OTOGL: variants seen among roughly 807,000 people sequenced by gnomAD.
OTOGL encodes otogelin-like protein.
A neutral mutation model predicts 318.5 loss-of-function variants in OTOGL; 285 were observed. The ratio of observed to expected loss-of-function variants is 0.89; its 90% CI spans 0.81 to 0.99. The LOEUF (loss-of-function observed/expected upper bound fraction) is 0.99. Among genes scored for constraint, OTOGL ranks in the 50% least tolerant of loss-of-function variants. The pLI is 0.00. For missense variants in OTOGL, 2,899 were observed against 2,845.6 expected (o/e 1.02, Z -0.43); for synonymous variants, 987 against 936.5 (o/e 1.05, Z -0.99).
intron 47 of OTOGL, 125 bp downstream of exon 47, chr12:80,356,073 A>G: frequency 9.0e-7 from 1 of 1,115,682 alleles, no homozygotes; most frequent in South Asian, 1.5e-5. Context: ...ATTTTCTCAA[A>G]GCAAGTTTTG....
intron 1 of OTOGL, among the ~76,000 whole-genome samples, chr12:80,127,048 G>A (rs541417379): frequency 5.9e-5 from 9 of 152,152 alleles, no homozygotes; most frequent in Non-Finnish European, 1.3e-4. Context: ...TACATTTAAG[G>A]TTGATATTGT....
rs1406031358 is a variant in OTOGL, at chr12:80,380,610, A to C, written c.*2562A>C. The C allele has an allele frequency of 6.6e-6, 1 of 152,130 alleles. No individual in the cohort carries two copies. Among genetic ancestry groups the C allele is most frequent in the Non-Finnish European group, 1.5e-5 (1 of 67,960 alleles). 9.4% of individuals were successfully genotyped at this position (152,130 alleles called of 1,614,324 possible). A position where few individuals can be genotyped will look rare whatever the true frequency, so the allele number is the denominator to read the frequency against. ...CCTACCAGACTGGTAAAAAACCAGAAGTTTAATGATACTTTTATTTTTTAA... is the reference window on the plus strand; with the variant it reads ...CCTACCAGACTGGTAAAAAACCAGACGTTTAATGATACTTTTATTTTTTAA... On this transcript the variant is annotated 3_prime_UTR_variant, in exon 59 of 59. Transcript: ENST00000547103.
intron 44 of OTOGL, 122 bp from the exon 45 acceptor site, chr12:80,352,173 A>T (rs1005299952): frequency 1.1e-6 from 1 of 871,668 alleles, no homozygotes; most frequent in African/African-American, 1.7e-5. Context: ...TGTAAAGTCT[A>T]TGATGAAGTA....
chr12:80,108,850 ATATATATGTG>A (rs1470403161), intron 1 of OTOGL, among the ~76,000 whole-genome samples: 26 of 140,742 alleles, frequency 1.8e-4, no homozygotes, highest in African/African-American at 2.3e-4. Flanking sequence ...ATATATGTGT[ATATATATGTG>A]TATATATATG....
At chr12:80,169,105 A>G (rs1245014) in intron 1 of OTOGL, among the ~76,000 whole-genome samples, 38,202 of 152,034 alleles carry the variant, frequency 0.25, 5,369 homozygotes, top group East Asian at 0.38. Flanking sequence ...CTAACAGTGT[A>G]CAGTGTAATA....
At position 80,370,553 on chromosome 12, in the gene OTOGL, T is replaced by C; in HGVS notation, c.6616-17T>C. 6.7e-7 allele frequency: 1 copy of C among 1,493,284 alleles called. No homozygotes were observed. Among genetic ancestry groups the C allele is most frequent in the Non-Finnish European group, 8.9e-7 (1 of 1,120,018 alleles). The allele number at this position is 1,493,284 out of a possible 1,614,324, so 92.5% of individuals were successfully genotyped here. On this transcript the variant is annotated splice_polypyrimidine_tract_variant and intron_variant, in intron 55 of 58. Coordinates refer to ENST00000547103, the MANE Select transcript of OTOGL (RefSeq NM_001378609.3). ...GATTTTAATATGCTAAATAGTAACT[T>C]TCTTTTTGATTTTTAGGTAGGGAGT...
At chr12:80,209,704 C>G (rs904672350) in intron 2 of OTOGL, among the ~76,000 whole-genome samples, 194 bp downstream of exon 2, 1 of 151,992 alleles carries the variant, frequency 6.6e-6, no homozygotes, top group African/African-American at 2.4e-5. Flanking sequence ...TTTTTTGACT[C>G]TTTGCAAAAT....
At position 80,327,958 on chromosome 12, in the gene OTOGL, C is replaced by CAAAAAAAAAAAAA. The variant is rs397687373; in HGVS notation, c.4200-692_4200-680dup. 6.5e-4 allele frequency among the ~76,000 whole-genome samples: 20 copies of CAAAAAAAAAAAAA among 30,946 alleles called. 1 individual carries two copies. The highest frequency in any genetic ancestry group is 3.5e-3 in the African/African-American group (19 of 5,368). 20.3% of individuals were successfully genotyped at this position (30,946 alleles called of 152,430 possible). On this transcript the variant is annotated intron_variant, in intron 35 of 58. Coordinates refer to ENST00000547103, the MANE Select transcript of OTOGL (RefSeq NM_001378609.3). ...TGGGTGACAGAGCGAGACTCTGTCTCAAAAAAAAAAAAAAAAAAAAAAAAA... is the reference window on the plus strand; with the variant it reads ...TGGGTGACAGAGCGAGACTCTGTCTCAAAAAAAAAAAAAAAAAAAAAAAAAAAAAAAAAAAAAA...
intron 9 of OTOGL, among the ~76,000 whole-genome samples, chr12:80,234,656 C>T (rs141253667): frequency 6.6e-6 from 1 of 152,202 alleles, no homozygotes; most frequent in African/African-American, 2.4e-5. Flanking sequence ...TAGTCATCTC[C>T]AAGTATTTCT....
intron 53 of OTOGL, among the ~76,000 whole-genome samples, chr12:80,367,038 C>T (rs2138075645): frequency 6.6e-6 from 1 of 151,732 alleles, no homozygotes; most frequent in East Asian, 1.9e-4. Flanking sequence ...ATATAGTGGC[C>T]CCATCCTAGC....
At chr12:80,190,027 C>T (rs1163131015) in intron 1 of OTOGL, among the ~76,000 whole-genome samples, 1 of 152,166 alleles carries the variant, frequency 6.6e-6, no homozygotes, top group African/African-American at 2.4e-5. Context: ...GCATCTCCGG[C>T]CCCATTTTTG....
intron 28 of OTOGL, among the ~76,000 whole-genome samples, 189 bp downstream of exon 28, chr12:80,302,972 A>G (rs1885865694): frequency 6.6e-6 from 1 of 152,198 alleles, no homozygotes; most frequent in African/African-American, 2.4e-5. Flanking sequence ...GTTCTTTTTG[A>G]CTTTAACCTT....
In OTOGL at chr12:80,337,690, G is replaced by C. The variant is rs115939471; in HGVS notation, c.4860+686G>C. Among the ~76,000 whole-genome samples, 915 of 151,742 alleles carry C rather than the reference G, an allele frequency of 6.0e-3. 10 individuals carry two copies. The highest frequency in any genetic ancestry group is 0.021 in the African/African-American group (863 of 41,458). ...TCTCTGTAAAATATGAAAAAAAAAT[G>C]TGTAAAGATTTTTTCTTAAAATGGC... On this transcript the variant is annotated intron_variant, in intron 42 of 58. Transcript: ENST00000547103.
At position 80,313,464 on chromosome 12, in the gene OTOGL, C is replaced by T. The variant is rs757262471; in HGVS notation, c.3451-12C>T. 6.9e-6 allele frequency: 11 copies of T among 1,595,246 alleles called. No homozygotes were observed. In the South Asian group the frequency reaches 1.1e-4, roughly 16 times the overall value. ...CTATTGAAATTAAGTAATCTTTCACCTCATTTTTCAGATTGACGTTACTTC... is the reference window on the plus strand; with the variant it reads ...CTATTGAAATTAAGTAATCTTTCACTTCATTTTTCAGATTGACGTTACTTC... On this transcript the variant is annotated splice_polypyrimidine_tract_variant and intron_variant, in intron 30 of 58. Coordinates refer to ENST00000547103, the MANE Select transcript of OTOGL (RefSeq NM_001378609.3).
chr12:80,257,526 G>A (rs1882162808), intron 17 of OTOGL, among the ~76,000 whole-genome samples: 2 of 152,120 alleles, frequency 1.3e-5, no homozygotes, highest in Non-Finnish European at 2.9e-5. Flanking sequence ...GATTTCAAAT[G>A]TCTAAGGACT....
chr12:80,197,176 T>C (rs1490243251), intron 1 of OTOGL, among the ~76,000 whole-genome samples: 33 of 152,194 alleles, frequency 2.2e-4, no homozygotes. Flanking sequence ...CCATTTCAAG[T>C]TGTCCCACCT....
chr12:80,327,356 A>G (rs1887740428), intron 35 of OTOGL, among the ~76,000 whole-genome samples: 1 of 152,132 alleles, frequency 6.6e-6, no homozygotes, highest in Admixed American at 6.5e-5. Context: ...CAGACATCCT[A>G]GGGCTTGAAA....
chr12:80,271,701 GA>G lies in OTOGL; in HGVS notation c.2574del (p.Glu858AspfsTer16). 6.2e-7 allele frequency: 1 copy of G among 1,613,114 alleles called. No individual in the cohort carries two copies. The highest frequency in any genetic ancestry group is 8.5e-7 in the Non-Finnish European group (1 of 1,179,428). ...TTTCGACTGCAGGTTTCCTGACCCT[GA>G]ATTACCAGCTGGTGGTGTTAATTGT... Reference protein sequence around the residue: ...EYFDCRFPDPELPAGGVNCET... With the variant: ...EYFDCRFPDPXLPAGGVNCET... On this transcript the variant is annotated frameshift_variant, in exon 24 of 59. Transcript: ENST00000547103. LOFTEE classifies it high-confidence loss of function.
At chr12:80,125,991 C>T (rs1232588409) in intron 1 of OTOGL, among the ~76,000 whole-genome samples, 3 of 152,084 alleles carry the variant, frequency 2.0e-5, no homozygotes, top group Middle Eastern at 3.2e-3. Flanking sequence ...AAAAAACAAG[C>T]TCCTGGAATC....
Sources: gnomAD v4.1 joint callset for allele counts (sites outside exome capture counted in the v4.1 genomes callset) on GRCh38, gnomAD v4.1.1 for gene constraint, MANE v1.5 for transcripts, NCBI Gene and HGNC (gene_info 2026-07-23, HGNC 2026-07-21) for gene names.